Variants in ALK observed in about 807,000 individuals in gnomAD.
ALK encodes ALK receptor tyrosine kinase, also known as ALK tyrosine kinase receptor.
Under a neutral mutation model 163.1 loss-of-function variants are expected in ALK, and 74 were observed. The observed-to-expected ratio is 0.45, with a 90% CI of 0.38 to 0.55. ALK has a LOEUF of 0.55. ALK is among the 20% of genes least tolerant of loss of function. The pLI is 0.00. For missense variants in ALK, 2,063 were observed against 2,105.3 expected (o/e 0.98, Z 0.39); for synonymous variants, 960 against 843.2 (o/e 1.14, Z -2.40).
intron 4 of ALK, among the ~76,000 whole-genome samples, chr2:29,505,984 C>T (rs1381106627): frequency 6.6e-6 from 1 of 152,084 alleles, no homozygotes; most frequent in African/African-American, 2.4e-5. Flanking sequence ...AGGTTTGCTA[C>T]AGATTTGCGG....
chr2:29,445,009 A>G (rs1670637905), intron 4 of ALK, among the ~76,000 whole-genome samples: 1 of 152,204 alleles, frequency 6.6e-6, no homozygotes, highest in Non-Finnish European at 1.5e-5. Context: ...GTTATCAAAG[A>G]TAAAGGAGCC....
chr2:29,654,863 A>G (rs568221136), intron 3 of ALK, among the ~76,000 whole-genome samples: 114 of 152,126 alleles, frequency 7.5e-4, no homozygotes, highest in Non-Finnish European at 8.8e-4. Context: ...CCCAGAATCA[A>G]TCCATTTAAA....
chr2:29,815,876 A>G (rs1202542881), intron 1 of ALK, among the ~76,000 whole-genome samples: 3 of 152,206 alleles, frequency 2.0e-5, no homozygotes, highest in Non-Finnish European at 4.4e-5. Flanking sequence ...TAAGGAGTCC[A>G]TGAATGTTTA....
At chr2:29,257,236 A>G (rs1664971634) in intron 11 of ALK, among the ~76,000 whole-genome samples, 1 of 24,034 alleles carries the variant, frequency 4.2e-5, no homozygotes, top group African/African-American at 1.5e-4. Context: ...ATACTCATTT[A>G]TGAAAGAAAA....
Position 29,661,286 on chromosome 2 carries a change from T to C in ALK, c.952+33564A>G, listed in dbSNP as rs2148262041. ...TGACTTCACTGTCTCCAGTGCATCA[T>C]GCTAACCCTCCTGCTTCTCCTCTCT... On this transcript the variant is annotated intron_variant, in intron 3 of 28. Transcript: ENST00000389048. Among the ~76,000 whole-genome samples, 2 of 152,286 alleles carry C rather than the reference T, an allele frequency of 1.3e-5. 1 individual carries two copies. The highest frequency in any genetic ancestry group is 4.8e-5 in the African/African-American group (2 of 41,570).
At chr2:29,614,010 CTG>C (rs1229569202) in intron 3 of ALK, among the ~76,000 whole-genome samples, 18 of 152,164 alleles carry the variant, frequency 1.2e-4, no homozygotes, top group Non-Finnish European at 1.8e-4. Context: ...CCAATCAGCA[CTG>C]ATCCTGTCCA....
At position 29,532,080 on chromosome 2, in the gene ALK, T is replaced by C. The variant is rs781677582; in HGVS notation, c.989A>G (p.Lys330Arg). ...CATCCACGGACTCAGGATGGTGTGC[T>C]TGGAGTCAGCTGAGGTGTTGAGAAG... ...FLLLNTSADSKHTILSPWMRS... is the reference protein window; with the variant it reads ...FLLLNTSADSRHTILSPWMRS... The change falls in exon 4 of 29, where the codon AAG becomes AGG. Residue 330 changes from lysine (K) to arginine (R), a missense_variant. By Grantham distance (26) the Lys-to-Arg change is conservative (BLOSUM62 2). Around this residue, in one of 5 missense-constraint regions of ALK, gnomAD observed 987 missense variants for 939.5 expected, o/e 1.05. Coordinates refer to ENST00000389048, the MANE Select transcript of ALK (RefSeq NM_004304.5). 7.4e-6 allele frequency: 12 copies of C among 1,613,836 alleles called. No individual in the cohort carries two copies. Among genetic ancestry groups the C allele is most frequent in the Non-Finnish European group, 1.0e-5 (12 of 1,179,952 alleles).
intron 13 of ALK, among the ~76,000 whole-genome samples, chr2:29,239,038 T>A (rs1664452970): frequency 6.6e-6 from 1 of 152,210 alleles, no homozygotes; most frequent in African/African-American, 2.4e-5. Context: ...ATATATTATA[T>A]TAGGTTGGAA....
chr2:29,600,486 T>C (rs4666254), intron 3 of ALK, among the ~76,000 whole-genome samples: 121,877 of 152,216 alleles, frequency 0.8, 49,203 homozygotes, highest in African/African-American at 0.91. Flanking sequence ...TAAATCATAG[T>C]TTATGTGGGA....
intron 1 of ALK, among the ~76,000 whole-genome samples, chr2:29,719,671 T>G (rs1679370210): frequency 6.6e-6 from 1 of 152,186 alleles, no homozygotes; most frequent in Admixed American, 6.5e-5. Context: ...AGACGTTAGT[T>G]ACCTTGACTA....
intron 1 of ALK, among the ~76,000 whole-genome samples, chr2:29,871,892 G>A (rs1469179272): frequency 3.3e-5 from 5 of 152,318 alleles, no homozygotes; most frequent in Admixed American, 2.0e-4. Flanking sequence ...TATATTACCT[G>A]CCCGATCAGG....
rs1664687067 is a variant in ALK at position 29,246,853 on chromosome 2, C to T, written c.2204+4252G>A. ...CACCTCCAGGCCGTTTCTCTCACTTCCACCCTCATGCTTTCACCAGGGGGA... is the reference window on the plus strand; with the variant it reads ...CACCTCCAGGCCGTTTCTCTCACTTTCACCCTCATGCTTTCACCAGGGGGA... On this transcript the variant is annotated intron_variant, in intron 12 of 28. Transcript: ENST00000389048. This position sits in a 1 kb window ranked among gnomAD's most constrained non-coding sequence, Gnocchi z 4.3. Among the ~76,000 whole-genome samples the T allele has an allele frequency of 6.6e-6, 1 of 152,172 alleles. No individual in the cohort carries two copies. Among genetic ancestry groups the T allele is most frequent in the African/African-American group, 2.4e-5 (1 of 41,446 alleles).
chr2:29,266,563 T>G (rs1489511849), intron 11 of ALK, among the ~76,000 whole-genome samples: 4 of 152,208 alleles, frequency 2.6e-5, no homozygotes, highest in Non-Finnish European at 4.4e-5. Context: ...GAAAGCCTGA[T>G]AGAAATGATC....
chr2:29,875,983 TC>T (rs1003273422), intron 1 of ALK, among the ~76,000 whole-genome samples: 4 of 152,162 alleles, frequency 2.6e-5, no homozygotes, highest in African/African-American at 9.7e-5. Context: ...GTTTCTGGTT[TC>T]CCTGGCCCTC....
At position 29,840,271 on chromosome 2, in the gene ALK, G is replaced by A. The variant is rs1277349754; in HGVS notation, c.667+79722C>T. Among the ~76,000 whole-genome samples the A allele has an allele frequency of 2.6e-5, 4 of 152,172 alleles. No individual in the cohort carries two copies. In the South Asian group the frequency reaches 6.2e-4, roughly 24 times the overall value. On this transcript the variant is annotated intron_variant, in intron 1 of 28. Transcript: ENST00000389048. ...CTTTGTATTGCCTCCTGCATTTAACGTGGTATCTGGCAAATAGGTACATGT... is the reference window on the plus strand; with the variant it reads ...CTTTGTATTGCCTCCTGCATTTAACATGGTATCTGGCAAATAGGTACATGT...
intron 5 of ALK, among the ~76,000 whole-genome samples, chr2:29,364,595 C>T (rs1226370578): frequency 6.6e-6 from 1 of 152,262 alleles, no homozygotes; most frequent in East Asian, 1.9e-4. Context: ...GTGTAGGGTC[C>T]TTGCTAAGCG....
intron 1 of ALK, among the ~76,000 whole-genome samples, chr2:29,743,919 G>A (rs988019145): frequency 4.6e-5 from 7 of 150,832 alleles, no homozygotes; most frequent in Admixed American, 6.6e-5. Context: ...TGGAGGTCTC[G>A]AGATACATAA....
At chr2:29,518,431 A>G (rs1371790056) in intron 4 of ALK, among the ~76,000 whole-genome samples, 2 of 152,252 alleles carry the variant, frequency 1.3e-5, no homozygotes, top group East Asian at 1.9e-4. Flanking sequence ...TTTGCCTGCA[A>G]GAAAAACTTG....
rs1668003697 is a variant in ALK, at chr2:29,921,482, G to C, written c.-823C>G. ...CGCGGCTTTGGGTGGCCGACCAGAG[G>C]GCGGCCGGAAAGCACCTCGGTGCCC... On this transcript the variant is annotated 5_prime_UTR_variant, in exon 1 of 29. Transcript: ENST00000389048. 1 of 232,078 alleles carries C rather than the reference G, an allele frequency of 4.3e-6. No individual in the cohort carries two copies. The highest frequency in any genetic ancestry group is 2.2e-5 in the African/African-American group (1 of 45,278). The allele number at this position is 232,078 out of a possible 1,614,324, so 14.4% of individuals were successfully genotyped here.
Sources: allele counts gnomAD v4.1 joint callset (sites outside exome capture counted in the v4.1 genomes callset), GRCh38; gene constraint gnomAD v4.1.1; regional missense constraint gnomAD v4.1.1; non-coding constraint Gnocchi (gnomAD v3.1); transcripts MANE v1.5; gene names NCBI Gene and HGNC (gene_info 2026-07-23, HGNC 2026-07-21).